The following NR3C2 variants were observed in gnomAD, a reference collection of about 807,000 sequenced individuals.
The protein encoded by NR3C2 is nuclear receptor subfamily 3 group C member 2, also known as mineralocorticoid receptor.
In NR3C2, 15 loss-of-function variants were observed where a neutral mutation model predicts 86.4. The observed-to-expected ratio is 0.17, with a 90% CI of 0.12 to 0.27. The LOEUF (loss-of-function observed/expected upper bound fraction) is 0.27, where lower values mean the gene tolerates loss of function less well. NR3C2 is among the 10% of genes least tolerant of loss of function. NR3C2 has a pLI of 1.00. For synonymous variants in NR3C2, 458 were observed against 450.5 expected, an observed-to-expected ratio of 1.02 and a Z score of -0.21; for missense variants, 960 against 1,195.6, an observed-to-expected ratio of 0.80 and a Z score of 2.91.
At chr4:148,264,525 A>G (rs1740281885) in intron 2 of NR3C2, among the ~76,000 whole-genome samples, 1 of 152,222 alleles carries the variant, frequency 6.6e-6, no homozygotes, top group Non-Finnish European at 1.5e-5. Context: ...CTGAGGGCCA[A>G]ACATGCAGGG....
At chr4:148,138,158 A>C (rs183950889) in intron 6 of NR3C2, among the ~76,000 whole-genome samples, 6 of 152,302 alleles carry the variant, frequency 3.9e-5, no homozygotes, top group Admixed American at 3.9e-4. Flanking sequence ...CATTCTGTAG[A>C]AGGGAATTGA....
At chr4:148,174,617 T>G (rs1399746803) in intron 4 of NR3C2, among the ~76,000 whole-genome samples, 2 of 152,200 alleles carry the variant, frequency 1.3e-5, no homozygotes, top group South Asian at 4.1e-4. Flanking sequence ...TTCCCTTTGC[T>G]CTGCGTCTCC....
intron 4 of NR3C2, among the ~76,000 whole-genome samples, chr4:148,156,660 T>C (rs1216732931): frequency 6.7e-6 from 1 of 150,262 alleles, no homozygotes; most frequent in African/African-American, 2.4e-5. Flanking sequence ...AAACAACAGG[T>C]GCTGGAGAGG....
intron 3 of NR3C2, among the ~76,000 whole-genome samples, chr4:148,252,373 G>T (rs920851232): frequency 1.1e-4 from 16 of 152,056 alleles, no homozygotes; most frequent in Admixed American, 9.8e-4. Flanking sequence ...GCTATTATGA[G>T]AAATAAATGA....
At chr4:148,370,221 C>A (rs1411267060) in intron 2 of NR3C2, among the ~76,000 whole-genome samples, 1 of 152,118 alleles carries the variant, frequency 6.6e-6, no homozygotes, top group Admixed American at 6.6e-5. Flanking sequence ...GCCCTAGGAG[C>A]CCCATTACTG....
At chr4:148,410,773 G>T (rs1748661016) in intron 2 of NR3C2, among the ~76,000 whole-genome samples, 1 of 152,118 alleles carries the variant, frequency 6.6e-6, no homozygotes, top group Non-Finnish European at 1.5e-5. Flanking sequence ...TGGCCATTCA[G>T]ATTTCTTTCT....
intron 2 of NR3C2, among the ~76,000 whole-genome samples, chr4:148,364,814 G>GT (rs11330551): frequency 0.019 from 2,646 of 139,680 alleles, 34 homozygotes; most frequent in Middle Eastern, 0.048. Context: ...TTGGCTTTGG[G>GT]TTTTTTTTTT....
chr4:148,273,579 T>C (rs192811192), intron 2 of NR3C2, among the ~76,000 whole-genome samples: 5 of 152,170 alleles, frequency 3.3e-5, no homozygotes, highest in Admixed American at 2.0e-4. Flanking sequence ...TTCAAAGAGC[T>C]ACAAAAAACA....
At chr4:148,334,505 G>A (rs1744386103) in intron 2 of NR3C2, among the ~76,000 whole-genome samples, 2 of 152,170 alleles carry the variant, frequency 1.3e-5, no homozygotes, top group Non-Finnish European at 1.5e-5. Flanking sequence ...TCGCGCCACT[G>A]CACTCCAGCC....
At chr4:148,229,627 A>G (rs779807412) in intron 3 of NR3C2, among the ~76,000 whole-genome samples, 5 of 152,106 alleles carry the variant, frequency 3.3e-5, no homozygotes, top group Admixed American at 2.0e-4. Context: ...CCATAGATAC[A>G]TGTTACCACA....
intron 3 of NR3C2, among the ~76,000 whole-genome samples, chr4:148,259,496 G>A (rs1340576983): frequency 6.6e-6 from 1 of 152,168 alleles, no homozygotes; most frequent in Admixed American, 6.5e-5. Flanking sequence ...GACTCACACA[G>A]GGACCTGGAG....
intron 3 of NR3C2, among the ~76,000 whole-genome samples, chr4:148,242,801 T>C (rs1739124213): frequency 6.6e-6 from 1 of 152,192 alleles, no homozygotes; most frequent in African/African-American, 2.4e-5. Context: ...AGTTTGCATA[T>C]ATAAGAAGCT....
intron 2 of NR3C2, among the ~76,000 whole-genome samples, chr4:148,355,382 C>T (rs1311507092): frequency 6.6e-6 from 1 of 152,138 alleles, no homozygotes; most frequent in East Asian, 1.9e-4. Flanking sequence ...AATGTTTCTG[C>T]CTCTCCATCT....
intron 8 of NR3C2, among the ~76,000 whole-genome samples, chr4:148,094,159 C>A (rs954664801): frequency 6.6e-6 from 1 of 152,112 alleles, no homozygotes; most frequent in Non-Finnish European, 1.5e-5. Context: ...GCATTTCACA[C>A]CCATTAGGAT....
At chr4:148,140,835 T>C (rs879653058) in intron 6 of NR3C2, among the ~76,000 whole-genome samples, 1 of 152,206 alleles carries the variant, frequency 6.6e-6, no homozygotes, top group African/African-American at 2.4e-5. Flanking sequence ...TTCATTCCAT[T>C]TGCAGTCTCA....
intron 4 of NR3C2, among the ~76,000 whole-genome samples, chr4:148,182,531 GC>G (rs1735690799): frequency 6.6e-6 from 1 of 152,318 alleles, no homozygotes; most frequent in Non-Finnish European, 1.5e-5. Context: ...TTCAGAGTGA[GC>G]TTTTTTCAGC....
At chr4:148,129,169 T>A (rs1164919185) in intron 6 of NR3C2, among the ~76,000 whole-genome samples, 1 of 152,214 alleles carries the variant, frequency 6.6e-6, no homozygotes, top group Admixed American at 6.5e-5. Context: ...GGTATATGTA[T>A]ACAGTGGGAC....
At position 148,370,815 on chromosome 4, in the gene NR3C2, C is replaced by G. The variant is rs1372062865; in HGVS notation, c.1757+64289G>C. On this transcript the variant is annotated intron_variant, in intron 2 of 8. Coordinates refer to ENST00000358102, the MANE Select transcript of NR3C2 (RefSeq NM_000901.5). ...CTCTCATTACTTTTAGAAAAGTTTT[C>G]ACCAATTTACACTGAGGGTCAGTAT... is the stretch of plus-strand genomic sequence containing the variant. 3.3e-5 allele frequency among the ~76,000 whole-genome samples: 5 copies of G among 152,106 alleles called. No homozygotes were observed. In the East Asian group the frequency reaches 9.6e-4, roughly 29 times the overall value.
intron 4 of NR3C2, among the ~76,000 whole-genome samples, chr4:148,158,158 G>A (rs1734489523): frequency 6.6e-6 from 1 of 152,184 alleles, no homozygotes; most frequent in African/African-American, 2.4e-5. Context: ...AACTGCCCAG[G>A]AGTGCTGAGC....
Sources: allele counts gnomAD v4.1 joint callset (sites outside exome capture counted in the v4.1 genomes callset), GRCh38; gene constraint gnomAD v4.1.1; transcripts MANE v1.5; gene names NCBI Gene and HGNC (gene_info 2026-07-23, HGNC 2026-07-21).